The following KIF5C variants were observed in gnomAD, a reference collection of about 807,000 sequenced individuals.
The protein encoded by KIF5C is kinesin family member 5C, also known as kinesin heavy chain isoform 5C.
A neutral mutation model predicts 125.2 loss-of-function variants in KIF5C; 18 were observed. The ratio of observed to expected loss-of-function variants is 0.14; its 90% CI spans 0.10 to 0.21. The LOEUF is 0.21. KIF5C is among the 10% of genes least tolerant of loss of function. The pLI is 1.00. For missense variants in KIF5C, 780 were observed against 1,183.8 expected (o/e 0.66, Z 5.01); for synonymous variants, 405 against 434.0 (o/e 0.93, Z 0.83).
At chr2:148,974,529 G>T (rs1358864139) in intron 12 of KIF5C, among the ~76,000 whole-genome samples, 1 of 152,114 alleles carries the variant, frequency 6.6e-6, no homozygotes. Context: ...TTATTCTGGG[G>T]TCATCCTACT....
intron 24 of KIF5C, among the ~76,000 whole-genome samples, chr2:149,010,842 C>G (rs1682172264): frequency 6.6e-6 from 1 of 152,180 alleles, no homozygotes; most frequent in African/African-American, 2.4e-5. Flanking sequence ...TACAGGCTGG[C>G]ACAGAACCTG....
At chr2:148,934,885 T>C (rs1682260805) in intron 3 of KIF5C, among the ~76,000 whole-genome samples, 1 of 150,306 alleles carries the variant, frequency 6.7e-6, no homozygotes, top group African/African-American at 2.5e-5. Flanking sequence ...TATGCTCCCC[T>C]AACACTACAC....
chr2:149,002,784 C>A (rs1461244144), intron 21 of KIF5C, among the ~76,000 whole-genome samples: 4 of 152,242 alleles, frequency 2.6e-5, no homozygotes, highest in Non-Finnish European at 5.9e-5. Flanking sequence ...CAGGCACACT[C>A]ATTTCCATGC....
In KIF5C at chr2:148,922,995, A is replaced by AT. The variant is rs149739297; in HGVS notation, c.217+770dup. ...AAATCAGGGGCAGGTTGAAGCTTGC[A>AT]TTGGCAGGCTTGCCATCTGGACAGA... On this transcript the variant is annotated intron_variant, in intron 2 of 25. Coordinates refer to ENST00000435030, the MANE Select transcript of KIF5C (RefSeq NM_004522.3). Among the ~76,000 whole-genome samples, 46 of 152,348 alleles carry AT rather than the reference A, an allele frequency of 3.0e-4. No homozygotes were observed. The East Asian group carries it at 8.1e-3, about 27-fold the overall frequency.
intron 11 of KIF5C, among the ~76,000 whole-genome samples, chr2:148,962,708 G>T (rs1185635438): frequency 2.0e-5 from 3 of 152,116 alleles, no homozygotes; most frequent in Non-Finnish European, 2.9e-5. Context: ...CCAATGAGAT[G>T]CACTCTATCT....
At chr2:148,989,337 TACACACACAC>T (rs59582798) in intron 15 of KIF5C, among the ~76,000 whole-genome samples, 14 of 147,830 alleles carry the variant, frequency 9.5e-5, no homozygotes, top group Admixed American at 8.8e-4. Flanking sequence ...TCCATGATTT[TACACACACAC>T]ACACACACAC....
chr2:148,895,236 C>G (rs1681807971), intron 1 of KIF5C, among the ~76,000 whole-genome samples: 1 of 152,134 alleles, frequency 6.6e-6, no homozygotes, highest in Non-Finnish European at 1.5e-5. Context: ...CTCCCGGGTT[C>G]AAGCGATTCT....
At chr2:148,983,549 T>C in intron 14 of KIF5C, 71 bp from the exon 15 acceptor site, 2 of 1,453,276 alleles carry the variant, frequency 1.4e-6, no homozygotes, top group Non-Finnish European at 1.8e-6. Flanking sequence ...GATGGTGTTA[T>C]TCTTTGTAAT....
intron 3 of KIF5C, among the ~76,000 whole-genome samples, chr2:148,933,648 A>T (rs1682224034): frequency 6.6e-6 from 1 of 150,414 alleles, no homozygotes; most frequent in Admixed American, 6.6e-5. Context: ...CCCCACATAC[A>T]TTGTACACAC....
chr2:148,961,233 T>G (rs1277575085), intron 10 of KIF5C, among the ~76,000 whole-genome samples: 3 of 152,014 alleles, frequency 2.0e-5, no homozygotes, highest in Non-Finnish European at 4.4e-5. Flanking sequence ...TGATTTTTCT[T>G]GGAAAATAGG....
At chr2:148,927,597 G>A (rs540599389) in intron 2 of KIF5C, among the ~76,000 whole-genome samples, 31 of 152,234 alleles carry the variant, frequency 2.0e-4, no homozygotes, top group Non-Finnish European at 4.0e-4. Context: ...ATTCCAATAG[G>A]CTGGAGTTTT....
rs1211162269 is a variant in KIF5C, at chr2:148,991,313, A to C, written c.1905+115A>C. 11 of 1,435,596 alleles carry C rather than the reference A, an allele frequency of 7.7e-6. No individual in the cohort carries two copies. The African/African-American group carries it at 1.6e-4, about 21-fold the overall frequency. 88.9% of individuals were successfully genotyped at this position (1,435,596 alleles called of 1,614,324 possible). A position where few individuals can be genotyped will look rare whatever the true frequency, so the allele number is the denominator to read the frequency against. ...GCTTAGTTGAGGGACTGCTTTGTGT[A>C]AGCTTGGCCTCCCCAGGTGATGGCA... On this transcript the variant is annotated intron_variant, in intron 16 of 25. Transcript: ENST00000435030.
chr2:148,958,260 A>G (rs1682845687), intron 10 of KIF5C, among the ~76,000 whole-genome samples: 1 of 152,184 alleles, frequency 6.6e-6, no homozygotes, highest in Non-Finnish European at 1.5e-5. Flanking sequence ...ATACTACTAA[A>G]GATTTTTCCA....
At chr2:148,951,697 CAT>C (rs1464532122) in intron 10 of KIF5C, among the ~76,000 whole-genome samples, 14 of 152,300 alleles carry the variant, frequency 9.2e-5, no homozygotes, top group Admixed American at 7.2e-4. Context: ...TCTGAACAAT[CAT>C]GTGATCTTTA....
At chr2:148,975,822 T>A (rs1681047294) in intron 12 of KIF5C, among the ~76,000 whole-genome samples, 1 of 152,216 alleles carries the variant, frequency 6.6e-6, no homozygotes, top group Admixed American at 6.5e-5. Context: ...AAGGTGCTTT[T>A]TCTCATCTGT....
At chr2:148,977,078 A>G (rs1681097782) in intron 12 of KIF5C, among the ~76,000 whole-genome samples, 1 of 152,238 alleles carries the variant, frequency 6.6e-6, no homozygotes, top group Non-Finnish European at 1.5e-5. Context: ...TTTAAAAAAA[A>G]TCACAGTAGA....
chr2:148,943,851 T>C (rs1433081983), intron 7 of KIF5C, among the ~76,000 whole-genome samples: 2 of 152,260 alleles, frequency 1.3e-5, no homozygotes, highest in African/African-American at 4.8e-5. Flanking sequence ...CTGAGCAATG[T>C]ATCAGATGAT....
chr2:148,901,103 G>A (rs1426302224), intron 1 of KIF5C, among the ~76,000 whole-genome samples: 3 of 152,128 alleles, frequency 2.0e-5, no homozygotes, highest in Non-Finnish European at 2.9e-5. Flanking sequence ...TGGTTGTTGC[G>A]AGATGTTGCG....
intron 12 of KIF5C, 67 bp from the exon 13 acceptor site, chr2:148,978,855 A>C: frequency 6.6e-7 from 1 of 1,513,820 alleles, no homozygotes; most frequent in Non-Finnish European, 8.9e-7. Flanking sequence ...GCTGCCTGTC[A>C]CTGGGAGACT....
Sources: allele counts gnomAD v4.1 joint callset (sites outside exome capture counted in the v4.1 genomes callset), GRCh38; gene constraint gnomAD v4.1.1; transcripts MANE v1.5; gene names NCBI Gene and HGNC (gene_info 2026-07-23, HGNC 2026-07-21).